The following TNNI3K variants were observed in gnomAD, a reference collection of about 807,000 sequenced individuals.
The protein encoded by TNNI3K is TNNI3 interacting kinase.
In TNNI3K, 140 loss-of-function variants were observed where a neutral mutation model predicts 114.5. That is an observed-to-expected ratio of 1.22 (90% CI 1.07 to 1.41). The LOEUF is 1.41. Ranked by LOEUF, TNNI3K falls within the 40% of genes most tolerant of loss-of-function variation. TNNI3K has a pLI of 0.00. For synonymous variants in TNNI3K, 347 were observed against 347.5 expected, an observed-to-expected ratio of 1.00 and a Z score of 0.02; for missense variants, 1,125 against 1,007.6, an observed-to-expected ratio of 1.12 and a Z score of -1.58.
intron 20 of TNNI3K, 150 bp from the exon 21 acceptor site, chr1:74,463,291 C>T: frequency 1.4e-6 from 1 of 737,220 alleles, no homozygotes; most frequent in African/African-American, 1.7e-5. Context: ...TTCTTTAGAC[C>T]ATTGGGGGAA....
chr1:74,373,249 G>C (rs1229380767), intron 17 of TNNI3K: 1 of 151,922 alleles, frequency 6.6e-6, no homozygotes, highest in Non-Finnish European at 1.5e-5. Context: ...AGGATTTCAA[G>C]TAAGTCAAAG....
At chr1:74,520,420 T>A (rs1001879726) in intron 23 of TNNI3K, among the ~76,000 whole-genome samples, 12 of 152,024 alleles carry the variant, frequency 7.9e-5, no homozygotes, top group Non-Finnish European at 4.4e-5. Context: ...TGTGACTCCA[T>A]GGATTCTCCT....
intron 17 of TNNI3K, among the ~76,000 whole-genome samples, chr1:74,409,446 A>C (rs1664775219): frequency 6.6e-6 from 1 of 150,596 alleles, no homozygotes; most frequent in Non-Finnish European, 1.5e-5. Context: ...AATACTTTGA[A>C]CTGTGTATTC....
At chr1:74,511,153 C>A (rs971492294) in intron 23 of TNNI3K, among the ~76,000 whole-genome samples, 6 of 151,336 alleles carry the variant, frequency 4.0e-5, no homozygotes, top group African/African-American at 1.5e-4. Flanking sequence ...CTTGGCCTCC[C>A]AAAGTGCTGG....
intron 2 of TNNI3K, among the ~76,000 whole-genome samples, chr1:74,244,950 G>A (rs1654463837): frequency 6.6e-6 from 1 of 152,002 alleles, no homozygotes; most frequent in Non-Finnish European, 1.5e-5. Context: ...AAGTTCGAGA[G>A]ATCAAGTTTA....
chr1:74,365,574 A>G (rs1042593754), intron 11 of TNNI3K, among the ~76,000 whole-genome samples: 1 of 151,774 alleles, frequency 6.6e-6, no homozygotes, highest in African/African-American at 2.4e-5. Flanking sequence ...ATCTGATACC[A>G]CTCTCATCCT....
At position 74,462,319 on chromosome 1, in the gene TNNI3K, C is replaced by A. The variant is rs138421668; in HGVS notation, c.2012-1122C>A. ...TAGAGGTAGTAGTTGTGGCTTATATCTCAAAAGTCATTAAGATATAGACAG... is the reference window on the plus strand; with the variant it reads ...TAGAGGTAGTAGTTGTGGCTTATATATCAAAAGTCATTAAGATATAGACAG... On this transcript the variant is annotated intron_variant, in intron 20 of 24. Transcript: ENST00000326637. 8.1e-3 allele frequency among the ~76,000 whole-genome samples: 1,227 copies of A among 152,226 alleles called. 16 individuals carry two copies. The highest frequency in any genetic ancestry group is 0.028 in the African/African-American group (1,168 of 41,540).
chr1:74,258,147 CCATTCACCTTTTAGCAATAAAT>C (rs1373128276), intron 4 of TNNI3K, among the ~76,000 whole-genome samples: 1 of 152,176 alleles, frequency 6.6e-6, no homozygotes, highest in African/African-American at 2.4e-5. Context: ...AGTATCACCA[CCATTCACCTTTTAGCAATAAAT>C]CAGGTGATCT....
chr1:74,510,733 G>T (rs184131131), intron 23 of TNNI3K, among the ~76,000 whole-genome samples: 2 of 152,298 alleles, frequency 1.3e-5, no homozygotes, highest in Non-Finnish European at 2.9e-5. Flanking sequence ...AATATGGCTA[G>T]CATTGAAAAG....
chr1:74,317,020 G>T (rs1236831840), intron 5 of TNNI3K, among the ~76,000 whole-genome samples: 1 of 151,918 alleles, frequency 6.6e-6, no homozygotes, highest in African/African-American at 2.4e-5. Flanking sequence ...TTTTTCTCCA[G>T]CACTGATCAT....
At chr1:74,289,022 A>G (rs899791366) in intron 5 of TNNI3K, among the ~76,000 whole-genome samples, 2 of 151,662 alleles carry the variant, frequency 1.3e-5, no homozygotes, top group African/African-American at 4.8e-5. Context: ...GCAACAAGTA[A>G]AAGGATTACA....
chr1:74,453,643 T>G (rs144959736), intron 20 of TNNI3K, among the ~76,000 whole-genome samples: 79 of 152,236 alleles, frequency 5.2e-4, no homozygotes, highest in African/African-American at 1.9e-3. Flanking sequence ...AAGCTTGAAG[T>G]TAGGGTCTCT....
intron 4 of TNNI3K, among the ~76,000 whole-genome samples, chr1:74,257,523 G>T (rs551766909): frequency 1.3e-5 from 2 of 151,514 alleles, no homozygotes; most frequent in Admixed American, 6.6e-5. Flanking sequence ...AGAATGTTGA[G>T]TTTTTTTTAT....
chr1:74,379,842 G>C (rs1451203133), intron 17 of TNNI3K, among the ~76,000 whole-genome samples: 1 of 151,800 alleles, frequency 6.6e-6, no homozygotes, highest in Non-Finnish European at 1.5e-5. Context: ...TCCTCTTTTT[G>C]TCTCCCTACA....
Position 74,430,342 on chromosome 1 carries a change from C to T in TNNI3K, c.1773-5738C>T, listed in dbSNP as rs544941589. 2.8e-4 allele frequency among the ~76,000 whole-genome samples: 43 copies of T among 152,160 alleles called. No individual in the cohort carries two copies. In the South Asian group the frequency reaches 3.1e-3, roughly 11 times the overall value. On this transcript the variant is annotated intron_variant, in intron 17 of 24. Transcript: ENST00000326637. ...ACATAATGACTTCATTAAATTAATT[C>T]AATTCTGAGGTTGGGGAAAATTTTC...
At chr1:74,301,695 C>T (rs1454371452) in intron 5 of TNNI3K, among the ~76,000 whole-genome samples, 1 of 152,130 alleles carries the variant, frequency 6.6e-6, no homozygotes, top group Non-Finnish European at 1.5e-5. Context: ...TTCAGGAAGA[C>T]TGAATTTTCC....
chr1:74,305,403 A>T (rs1398979739), intron 5 of TNNI3K, among the ~76,000 whole-genome samples: 1 of 152,204 alleles, frequency 6.6e-6, no homozygotes. Context: ...AGCTGGGAAG[A>T]ATTTGGGTTG....
chr1:74,389,720 T>A (rs1009019525), intron 17 of TNNI3K, among the ~76,000 whole-genome samples: 1 of 152,198 alleles, frequency 6.6e-6, no homozygotes, highest in Admixed American at 6.5e-5. Flanking sequence ...TAGAAAGTGT[T>A]GAAAAACTGT....
chr1:74,433,895 A>C (rs2100658498), intron 17 of TNNI3K, among the ~76,000 whole-genome samples: 1 of 152,138 alleles, frequency 6.6e-6, no homozygotes, highest in East Asian at 1.9e-4. Flanking sequence ...CTCTTTAGTT[A>C]GAAGACAAAG....
Sources: gnomAD v4.1 joint callset for allele counts (sites outside exome capture counted in the v4.1 genomes callset) on GRCh38, gnomAD v4.1.1 for gene constraint, MANE v1.5 for transcripts, NCBI Gene and HGNC (gene_info 2026-07-23, HGNC 2026-07-21) for gene names.